Variants in CA10 observed in about 807,000 individuals in gnomAD.
The protein encoded by CA10 is carbonic anhydrase-related protein 10.
Under a neutral mutation model 44.2 loss-of-function variants are expected in CA10, and 14 were observed. The observed-to-expected ratio is 0.32, with a 90% confidence interval of 0.21 to 0.50. CA10 has a LOEUF of 0.50. Among genes scored for constraint, CA10 ranks in the 20% least tolerant of loss-of-function variants. The pLI is 0.99. For synonymous variants in CA10, 159 were observed against 141.6 expected (o/e 1.12, Z -0.87); for missense variants, 350 against 409.7 (o/e 0.85, Z 1.26).
chr17:51,909,141 T>C (rs575558887), intron 3 of CA10, among the ~76,000 whole-genome samples: 1 of 152,292 alleles, frequency 6.6e-6, no homozygotes, highest in South Asian at 2.1e-4. Context: ...GTGCAGGCAC[T>C]TCCTCGTCAC....
chr17:51,867,618 C>A (rs999610771), intron 3 of CA10, among the ~76,000 whole-genome samples: 2 of 152,184 alleles, frequency 1.3e-5, no homozygotes, highest in African/African-American at 2.4e-5. Flanking sequence ...ACAAACCAAC[C>A]AACCCCAAGC....
At chr17:51,702,385 T>C (rs1160107257) in intron 4 of CA10, among the ~76,000 whole-genome samples, 1 of 152,140 alleles carries the variant, frequency 6.6e-6, no homozygotes, top group East Asian at 1.9e-4. Context: ...GGCCTCTGCT[T>C]TTCAATCACT....
chr17:52,148,755 T>C (rs1341289508), intron 1 of CA10, among the ~76,000 whole-genome samples: 1 of 152,106 alleles, frequency 6.6e-6, no homozygotes, highest in Non-Finnish European at 1.5e-5. Flanking sequence ...GGTTGGGTAA[T>C]GGGAAAAAAA....
intron 3 of CA10, among the ~76,000 whole-genome samples, chr17:51,815,837 T>C (rs982395180): frequency 6.6e-6 from 1 of 152,086 alleles, no homozygotes; most frequent in Non-Finnish European, 1.5e-5. Flanking sequence ...ATACACGAGA[T>C]GTTTTGATAC....
intron 2 of CA10, among the ~76,000 whole-genome samples, chr17:51,981,861 G>T (rs1984665241): frequency 6.6e-6 from 1 of 152,026 alleles, no homozygotes; most frequent in South Asian, 2.1e-4. Context: ...TAAGACAAAA[G>T]AACTCACTTA....
At chr17:51,913,249 T>C (rs534547610) in intron 3 of CA10, among the ~76,000 whole-genome samples, 1 of 152,212 alleles carries the variant, frequency 6.6e-6, no homozygotes, top group African/African-American at 2.4e-5. Flanking sequence ...AAAGGAAACT[T>C]TGGAACTGAG....
chr17:51,784,554 T>C (rs1444349044), intron 3 of CA10, among the ~76,000 whole-genome samples: 2 of 152,208 alleles, frequency 1.3e-5, no homozygotes, highest in Non-Finnish European at 2.9e-5. Context: ...CATTAGACAC[T>C]CAACCTCCAT....
chr17:51,991,719 G>A (rs1008890929), intron 2 of CA10, among the ~76,000 whole-genome samples: 1 of 152,146 alleles, frequency 6.6e-6, no homozygotes, highest in Non-Finnish European at 1.5e-5. Context: ...TGAGGCAGGA[G>A]AATCACTTGA....
At chr17:51,905,409 T>C (rs1051177785) in intron 3 of CA10, among the ~76,000 whole-genome samples, 1 of 152,112 alleles carries the variant, frequency 6.6e-6, no homozygotes, top group Admixed American at 6.6e-5. Flanking sequence ...GGCACACTTC[T>C]TTTCTCCTGT....
chr17:52,127,024 G>A (rs767791093), intron 1 of CA10, among the ~76,000 whole-genome samples: 52 of 152,232 alleles, frequency 3.4e-4, no homozygotes, highest in Non-Finnish European at 6.5e-4. Context: ...AATAAGATGT[G>A]AACACATGCT....
rs181955891 is a variant in CA10, at chr17:51,696,286, C to A, written c.466-42550G>T. On this transcript the variant is annotated intron_variant, in intron 4 of 8. Coordinates refer to ENST00000451037, the MANE Select transcript of CA10 (RefSeq NM_020178.5). ...TATATGGTAGAATTTGGCTGTGAATCCACCTGATTTGGCCTTTTTTTGGTT... is the reference window on the plus strand; with the variant it reads ...TATATGGTAGAATTTGGCTGTGAATACACCTGATTTGGCCTTTTTTTGGTT... Among the ~76,000 whole-genome samples, 10 of 152,228 alleles carry A rather than the reference C, an allele frequency of 6.6e-5. No homozygotes were observed. In the East Asian group the frequency reaches 1.7e-3, roughly 26 times the overall value.
chr17:51,988,394 C>A (rs1984920901), intron 2 of CA10, among the ~76,000 whole-genome samples: 1 of 151,786 alleles, frequency 6.6e-6, no homozygotes, highest in Non-Finnish European at 1.5e-5. Flanking sequence ...TTCCAGAATG[C>A]CCATGAAGAA....
At chr17:52,022,673 T>A (rs937611506) in intron 2 of CA10, among the ~76,000 whole-genome samples, 1 of 152,096 alleles carries the variant, frequency 6.6e-6, no homozygotes, top group Non-Finnish European at 1.5e-5. Context: ...AAATTATCTT[T>A]CTTTGCTGAT....
At chr17:52,028,802 T>A (rs1208062625) in intron 2 of CA10, among the ~76,000 whole-genome samples, 1 of 152,210 alleles carries the variant, frequency 6.6e-6, no homozygotes, top group Non-Finnish European at 1.5e-5. Flanking sequence ...ACAAAATTGT[T>A]GACTCTTAGA....
chr17:51,871,357 G>T (rs1385179894), intron 3 of CA10, among the ~76,000 whole-genome samples: 1 of 146,774 alleles, frequency 6.8e-6, no homozygotes. Context: ...TCAGCCTCCC[G>T]AATAGCTGGG....
chr17:52,042,416 C>G (rs1986796165), intron 2 of CA10, among the ~76,000 whole-genome samples: 1 of 151,906 alleles, frequency 6.6e-6, no homozygotes, highest in South Asian at 2.1e-4. Context: ...TTATCTAGAT[C>G]ATTTGCACAA....
chr17:51,911,123 C>G (rs1198679034), intron 3 of CA10, among the ~76,000 whole-genome samples: 2 of 152,092 alleles, frequency 1.3e-5, no homozygotes, highest in Non-Finnish European at 2.9e-5. Flanking sequence ...CCCCTCCAGG[C>G]GCTTTTAATC....
chr17:52,049,570 A>G (rs1254124318), intron 2 of CA10, among the ~76,000 whole-genome samples: 1 of 152,122 alleles, frequency 6.6e-6, no homozygotes, highest in African/African-American at 2.4e-5. Context: ...ATCTCTGCCC[A>G]TCTCCTAAAG....
chr17:51,986,821 C>A (rs1984854713), intron 2 of CA10, among the ~76,000 whole-genome samples: 1 of 152,004 alleles, frequency 6.6e-6, no homozygotes, highest in South Asian at 2.1e-4. Flanking sequence ...CACCTTACTC[C>A]TGCAAGAATG....
Sources: gnomAD v4.1 joint callset for allele counts (sites outside exome capture counted in the v4.1 genomes callset) on GRCh38, gnomAD v4.1.1 for gene constraint, MANE v1.5 for transcripts, NCBI Gene and HGNC (gene_info 2026-07-23, HGNC 2026-07-21) for gene names.